TEX11: variants seen among roughly 807,000 people sequenced by gnomAD.
TEX11 encodes testis-expressed protein 11.
TEX11 carries 7 observed loss-of-function variants against 84.4 expected under a neutral mutation model. The observed-to-expected ratio is 0.08, with a 90% CI of 0.05 to 0.16. The LOEUF is 0.16. Among genes scored for constraint, TEX11 ranks in the 10% least tolerant of loss-of-function variants. The pLI, the probability that TEX11 is intolerant of heterozygous loss-of-function variation, is 1.00. For synonymous variants in TEX11, 264 were observed against 222.8 expected (o/e 1.18, Z -1.64); for missense variants, 551 against 660.5 (o/e 0.83, Z 1.82).
chrX:70,664,924 C>T (rs1255188291), intron 16 of TEX11, among the ~76,000 whole-genome samples: 3 of 107,655 alleles, frequency 2.8e-5, no homozygotes, highest in African/African-American at 1.0e-4. Context: ...ACAGTGCCAT[C>T]TAGTGAATAT....
intron 7 of TEX11, among the ~76,000 whole-genome samples, chrX:70,850,694 G>A (rs1429499843): frequency 1.8e-5 from 2 of 110,677 alleles, no homozygotes; most frequent in Admixed American, 1.9e-4. Flanking sequence ...GGTTGAGGCT[G>A]CAGTGAGCTA....
At position 70,817,727 on chromosome X, in the gene TEX11, G is replaced by T. The variant is rs191006051; in HGVS notation, c.607-10937C>A. ...TGCACTCCAGCCTGGGTGACAGAGT[G>T]AGACCCTGTCTCAAAAAAGGAAAGA... On this transcript the variant is annotated intron_variant, in intron 8 of 29. Transcript: ENST00000374333. Among the ~76,000 whole-genome samples the T allele has an allele frequency of 3.7e-5, 4 of 107,306 alleles. No individual in the cohort carries two copies. The Admixed American group carries it at 4.0e-4, about 11-fold the overall frequency. 93.2% of individuals were successfully genotyped at this position (107,306 alleles called of 115,157 possible).
chrX:70,841,909 C>A (rs1212487333), intron 7 of TEX11, among the ~76,000 whole-genome samples: 3 of 111,849 alleles, frequency 2.7e-5, no homozygotes, highest in Admixed American at 1.9e-4. Flanking sequence ...TCGACACATA[C>A]ACCCTCCCAA....
intron 24 of TEX11, among the ~76,000 whole-genome samples, chrX:70,598,429 G>A (rs886117948): frequency 1.8e-5 from 2 of 111,706 alleles, no homozygotes; most frequent in Non-Finnish European, 3.8e-5. Flanking sequence ...GTAAAATGGT[G>A]CAGGTGCTTT....
chrX:70,592,203 G>A (rs1007451351), intron 24 of TEX11, among the ~76,000 whole-genome samples: 2 of 109,320 alleles, frequency 1.8e-5, no homozygotes, highest in Non-Finnish European at 3.8e-5. Flanking sequence ...TGCCCTGAGG[G>A]TATACAGAAA....
At chrX:70,862,515 CA>C (rs1486896314) in intron 4 of TEX11, among the ~76,000 whole-genome samples, 3 of 111,394 alleles carry the variant, frequency 2.7e-5, no homozygotes, top group Admixed American at 1.9e-4. Context: ...CATCACTTAA[CA>C]AAATTAATTC....
chrX:70,824,012 T>G (rs1307301644), intron 8 of TEX11, among the ~76,000 whole-genome samples: 1 of 111,228 alleles, frequency 9.0e-6, no homozygotes, highest in Non-Finnish European at 1.9e-5. Flanking sequence ...ATAGTGAGAT[T>G]CCATCTCAAA....
intron 17 of TEX11, among the ~76,000 whole-genome samples, chrX:70,639,258 C>T (rs777181728): frequency 3.6e-5 from 4 of 111,997 alleles, no homozygotes; most frequent in South Asian, 3.8e-4. Context: ...GCACCTGGCT[C>T]GGAGGGTCCT....
intron 2 of TEX11, among the ~76,000 whole-genome samples, chrX:70,901,133 A>T (rs1356620811): frequency 3.6e-5 from 4 of 109,665 alleles, no homozygotes; most frequent in Non-Finnish European, 7.6e-5. Context: ...GATCGCTTGA[A>T]CCTAGGAGGA....
At chrX:70,722,496 A>G in intron 13 of TEX11, 122 bp downstream of exon 13, 1 of 503,028 alleles carries the variant, frequency 2.0e-6, no homozygotes, top group Non-Finnish European at 3.3e-6. Context: ...GTTGGTCTCA[A>G]GCTCCTGGGC....
chrX:70,817,115 A>T (rs1157038162), intron 8 of TEX11, among the ~76,000 whole-genome samples: 3 of 70,896 alleles, frequency 4.2e-5, no homozygotes, highest in African/African-American at 1.6e-4. Flanking sequence ...TATATTAGAG[A>T]TGATAGAAGA....
chrX:70,890,932 A>T (rs1183323949), intron 2 of TEX11, among the ~76,000 whole-genome samples: 1 of 112,486 alleles, frequency 8.9e-6, no homozygotes, highest in Non-Finnish European at 1.9e-5. Context: ...CGTGTAGCCT[A>T]AATGGGAGAT....
At chrX:70,613,791 G>A (rs1003478149) in intron 20 of TEX11, among the ~76,000 whole-genome samples, 13 of 111,167 alleles carry the variant, frequency 1.2e-4, no homozygotes, top group Non-Finnish European at 2.3e-4. Flanking sequence ...TCTTCCTTCC[G>A]CTTGAAGAGA....
the TEX11 span, among the ~76,000 whole-genome samples, chrX:70,521,279 CT>C: frequency 5.4e-4 from 56 of 104,375 alleles, no homozygotes; most frequent in East Asian, 9.0e-4. Context: ...TGGAATGGGC[CT>C]TTTTTTTTTT....
chrX:70,862,860 A>C (rs1217202482), intron 4 of TEX11, among the ~76,000 whole-genome samples: 3 of 107,433 alleles, frequency 2.8e-5, no homozygotes, highest in African/African-American at 1.0e-4. Flanking sequence ...AGTTGCAGTG[A>C]GTTGAGATCA....
At chrX:70,760,110 A>G (rs2090898684) in intron 9 of TEX11, among the ~76,000 whole-genome samples, 2 of 111,918 alleles carry the variant, frequency 1.8e-5, no homozygotes, top group African/African-American at 3.3e-5. Flanking sequence ...CAAGGAAATA[A>G]AAGAGGACAC....
chrX:70,670,329 T>A (rs5980996), intron 16 of TEX11, 48 bp downstream of exon 16: 217,249 of 1,175,260 alleles, frequency 0.18, 15,172 homozygotes, highest in Middle Eastern at 0.21. Flanking sequence ...TCTCTGCCAC[T>A]GCACATAAGA....
At chrX:70,612,006 A>G (rs961820700) in intron 20 of TEX11, among the ~76,000 whole-genome samples, 2 of 110,796 alleles carry the variant, frequency 1.8e-5, no homozygotes, top group Non-Finnish European at 3.8e-5. Flanking sequence ...GTGGTTGCAC[A>G]TGCCTGCAGT....
intron 2 of TEX11, among the ~76,000 whole-genome samples, chrX:70,892,505 C>T (rs958852153): frequency 1.8e-4 from 20 of 111,338 alleles, no homozygotes; most frequent in Admixed American, 2.9e-4. Context: ...GAGGCTGAGG[C>T]GGGTGGATCA....
Sources: gnomAD v4.1 joint callset for allele counts (sites outside exome capture counted in the v4.1 genomes callset) on GRCh38, gnomAD v4.1.1 for gene constraint, MANE v1.5 for transcripts, NCBI Gene and HGNC (gene_info 2026-07-23, HGNC 2026-07-21) for gene names.